Variants in CD53 observed in about 807,000 individuals in gnomAD.
The protein encoded by CD53 is leukocyte surface antigen CD53.
Under a neutral mutation model 27.3 loss-of-function variants are expected in CD53, and 20 were observed. That is an observed-to-expected ratio of 0.73 (90% confidence interval 0.52 to 1.07). The LOEUF (loss-of-function observed/expected upper bound fraction) is 1.07, where lower values mean the gene tolerates loss of function less well. CD53 is among the 50% of genes least tolerant of loss of function. The pLI is 0.00. For synonymous variants in CD53, 106 were observed against 105.3 expected, an observed-to-expected ratio of 1.01 and a Z score of -0.04; for missense variants, 216 against 264.0, an observed-to-expected ratio of 0.82 and a Z score of 1.26.
chr1:110,887,132 C>T (rs981154383), intron 1 of CD53, among the ~76,000 whole-genome samples: 2 of 151,784 alleles, frequency 1.3e-5, no homozygotes, highest in African/African-American at 4.8e-5. Context: ...GGCGCGATCT[C>T]GGCTCACTCC....
intron 1 of CD53, among the ~76,000 whole-genome samples, chr1:110,886,909 C>T (rs1449653673): frequency 1.5e-5 from 2 of 135,458 alleles, no homozygotes; most frequent in East Asian, 4.2e-4. Flanking sequence ...GATATTTTCT[C>T]TTGCCGTCTT....
chr1:110,893,277 A>G (rs1656927002), intron 3 of CD53, among the ~76,000 whole-genome samples: 1 of 152,062 alleles, frequency 6.6e-6, no homozygotes, highest in African/African-American at 2.4e-5. Context: ...TCTTTTTTCC[A>G]TTATGGTTCA....
At chr1:110,881,819 T>C (rs982424070) in intron 1 of CD53, among the ~76,000 whole-genome samples, 1 of 152,160 alleles carries the variant, frequency 6.6e-6, no homozygotes, top group Non-Finnish European at 1.5e-5. Context: ...AGATGTGGAG[T>C]GGTATCTTAC....
At chr1:110,871,534 G>A (rs1655963547), upstream of CD53, among the ~76,000 whole-genome samples, 1 of 152,098 alleles carries the variant, frequency 6.6e-6, no homozygotes, top group Non-Finnish European at 1.5e-5. Flanking sequence ...GATTTGAGGT[G>A]CCTGGGAGAG....
intron 1 of CD53, among the ~76,000 whole-genome samples, chr1:110,887,103 A>T (rs900666546): frequency 1.3e-5 from 2 of 148,806 alleles, no homozygotes; most frequent in South Asian, 4.2e-4. Context: ...TCGCTCTGTC[A>T]CCCAGGCTGT....
rs4839583 is a variant in CD53 at position 110,891,000 on chromosome 1, C to G, written c.-17-392C>G. ...ACTGGCTGATCAAGCTGTTGGCTTTCTTGATGGCTGATTGACCAGTCCATC... is the reference window on the plus strand; with the variant it reads ...ACTGGCTGATCAAGCTGTTGGCTTTGTTGATGGCTGATTGACCAGTCCATC... On this transcript the variant is annotated intron_variant, in intron 1 of 7. Coordinates refer to ENST00000271324, the MANE Select transcript of CD53 (RefSeq NM_000560.4). Among the ~76,000 whole-genome samples the G allele has an allele frequency of 2.6e-5, 4 of 152,246 alleles. No individual in the cohort carries two copies. The East Asian group carries it at 7.7e-4, about 29-fold the overall frequency.
At chr1:110,886,336 C>CTT (rs1430085793) in intron 1 of CD53, among the ~76,000 whole-genome samples, 1 of 152,004 alleles carries the variant, frequency 6.6e-6, no homozygotes, top group African/African-American at 2.4e-5. Flanking sequence ...CTTAGTGTAG[C>CTT]TTTCTTCATG....
intron 2 of CD53, among the ~76,000 whole-genome samples, chr1:110,891,847 C>A (rs1046448625): frequency 2.6e-5 from 4 of 151,980 alleles, no homozygotes; most frequent in Non-Finnish European, 5.9e-5. Flanking sequence ...GGAAAGTCAC[C>A]CTTTCCAGGG....
At chr1:110,886,615 G>A (rs576942360) in intron 1 of CD53, among the ~76,000 whole-genome samples, 3 of 151,988 alleles carry the variant, frequency 2.0e-5, no homozygotes, top group South Asian at 2.1e-4. Flanking sequence ...TTGGGAGGCC[G>A]AGGTGGGTGG....
upstream of CD53, among the ~76,000 whole-genome samples, chr1:110,872,789 G>A (rs1425038355): frequency 1.3e-5 from 2 of 152,166 alleles, no homozygotes. Context: ...ACCTGAATGG[G>A]AAACTGGTGG....
chr1:110,873,111 A>G (rs1322770460), upstream of CD53: 1 of 152,564 alleles, frequency 6.6e-6, no homozygotes, highest in Non-Finnish European at 1.5e-5. Context: ...TCGTCACAGC[A>G]TGATCATATT....
rs551935403 is a variant in CD53 at position 110,873,984 on chromosome 1, T to C, written c.-18+736T>C. Among the ~76,000 whole-genome samples, 168 of 152,320 alleles carry C rather than the reference T, an allele frequency of 1.1e-3. 1 individual carries two copies. The highest frequency in any genetic ancestry group is 3.6e-3 in the African/African-American group (148 of 41,560). ...CAATCCCCAAAACTTGATACTGCAGTAATTTCCAATCATGTGCTGTAACTA... is the reference window on the plus strand; with the variant it reads ...CAATCCCCAAAACTTGATACTGCAGCAATTTCCAATCATGTGCTGTAACTA... On this transcript the variant is annotated intron_variant, in intron 1 of 7. Transcript: ENST00000271324.
At chr1:110,892,562 C>A in intron 3 of CD53, 29 bp downstream of exon 3, 2 of 1,569,802 alleles carry the variant, frequency 1.3e-6, no homozygotes, top group Non-Finnish European at 8.7e-7. Flanking sequence ...TGTGGTGCCC[C>A]AAGTCGGGGA....
chr1:110,891,338 C>T lies in CD53; in HGVS notation c.-17-54C>T, dbSNP rs575579583. 8.9e-5 allele frequency: 107 copies of T among 1,204,520 alleles called. 1 individual carries two copies. The East Asian group carries it at 2.3e-3, about 26-fold the overall frequency. The allele number at this position is 1,204,520 out of a possible 1,614,324, so 74.6% of individuals were successfully genotyped here. ...TCCCTGAACATTTGTGCACTCTGAT[C>T]TCTGGCTACCTTACAGAGTGAGGTA... On this transcript the variant is annotated intron_variant, in intron 1 of 7. Transcript: ENST00000271324.
rs570251237 is a variant in CD53 at position 110,899,622 on chromosome 1, G to A, written c.*427G>A. The A allele has an allele frequency of 1.6e-4, 27 of 172,622 alleles. No homozygotes were observed. The highest frequency in any genetic ancestry group is 9.5e-4 in the Admixed American group (16 of 16,816). The allele number at this position is 172,622 out of a possible 1,614,324, so 10.7% of individuals were successfully genotyped here. A position where few individuals can be genotyped will look rare whatever the true frequency, so the allele number is the denominator to read the frequency against. On this transcript the variant is annotated 3_prime_UTR_variant, in exon 8 of 8. Coordinates refer to ENST00000271324, the MANE Select transcript of CD53 (RefSeq NM_000560.4). The stretch of plus-strand genomic sequence containing the variant: ...CTAGTTGAAGGGAGTTCTGGGGCCA[G>A]GCTCACTGGACCATTGTCACAACCC...
chr1:110,875,246 G>A (rs1656077321), intron 1 of CD53, among the ~76,000 whole-genome samples: 1 of 152,178 alleles, frequency 6.6e-6, no homozygotes, highest in Non-Finnish European at 1.5e-5. Context: ...AACACACCAT[G>A]TTTACAGAGC....
At chr1:110,893,437 C>T (rs1656934223) in intron 3 of CD53, among the ~76,000 whole-genome samples, 1 of 152,190 alleles carries the variant, frequency 6.6e-6, no homozygotes, top group Admixed American at 6.5e-5. Context: ...ATTCTCCTGC[C>T]TCAGCCTCCC....
intron 3 of CD53, among the ~76,000 whole-genome samples, chr1:110,893,667 A>T (rs574098997): frequency 2.1e-4 from 32 of 152,348 alleles, no homozygotes; most frequent in African/African-American, 7.2e-4. Context: ...AGAATTTTTT[A>T]AAAAGTCCCT....
At chr1:110,871,814 TACACAC>T (rs3068856), upstream of CD53, among the ~76,000 whole-genome samples, 217 of 145,772 alleles carry the variant, frequency 1.5e-3, 1 homozygote, top group Non-Finnish European at 1.3e-3. Context: ...CAAGAGAAAC[TACACAC>T]ACACACACAC....
Sources: allele counts gnomAD v4.1 joint callset (sites outside exome capture counted in the v4.1 genomes callset), GRCh38; gene constraint gnomAD v4.1.1; transcripts MANE v1.5; gene names NCBI Gene and HGNC (gene_info 2026-07-23, HGNC 2026-07-21).